The following GTF2A1 variants were observed in gnomAD, a reference collection of about 807,000 sequenced individuals.
GTF2A1 encodes transcription initiation factor IIA subunit 1.
In GTF2A1, 12 loss-of-function variants were observed where a neutral mutation model predicts 54.1. The observed-to-expected ratio is 0.22, with a 90% CI of 0.14 to 0.36. GTF2A1 has a LOEUF of 0.36. Among genes scored for constraint, GTF2A1 ranks in the 10% least tolerant of loss-of-function variants. The probability of loss-of-function intolerance (pLI) is 1.00; values close to 1 mark genes in which losing one functional copy is unlikely to be tolerated. For missense variants in GTF2A1, 335 were observed against 442.2 expected (o/e 0.76, Z 2.17); for synonymous variants, 145 against 152.0 (o/e 0.95, Z 0.34).
rs1420562005 is a variant in GTF2A1, at chr14:81,178,679, T to G, written c.*1544A>C. 1 of 152,190 alleles carries G rather than the reference T, an allele frequency of 6.6e-6. No individual in the cohort carries two copies. The highest frequency in any genetic ancestry group is 2.1e-4 in the South Asian group (1 of 4,834). The allele number at this position is 152,190 out of a possible 1,614,324, so 9.4% of individuals were successfully genotyped here. A position where few individuals can be genotyped will look rare whatever the true frequency, so the allele number is the denominator to read the frequency against. On this transcript the variant is annotated 3_prime_UTR_variant, in exon 9 of 9. Transcript: ENST00000553612. The stretch of plus-strand genomic sequence containing the variant: ...TATAATAGCTCACAGTTTTCTTCTC[T>G]GTAATGTACTTTAAAAAGTGTTCAT...
At chr14:81,212,510 G>C (rs956219428) in intron 2 of GTF2A1, among the ~76,000 whole-genome samples, 1 of 152,052 alleles carries the variant, frequency 6.6e-6, no homozygotes. Context: ...CTCCCTTTCT[G>C]CTTACCTCAT....
chr14:81,196,604 A>G (rs1052901080), intron 5 of GTF2A1, among the ~76,000 whole-genome samples: 1 of 152,212 alleles, frequency 6.6e-6, no homozygotes, highest in Non-Finnish European at 1.5e-5. Context: ...TCATTTTTAA[A>G]GCTTTAAAGG....
intron 2 of GTF2A1, among the ~76,000 whole-genome samples, chr14:81,207,246 G>A (rs567669186): frequency 1.3e-5 from 2 of 152,144 alleles, no homozygotes; most frequent in South Asian, 4.2e-4. Context: ...GTATCTCCCA[G>A]AATTCCCATG....
chr14:81,215,016 G>A (rs1320340615), intron 2 of GTF2A1, among the ~76,000 whole-genome samples: 1 of 152,180 alleles, frequency 6.6e-6, no homozygotes, highest in Non-Finnish European at 1.5e-5. Flanking sequence ...TGCAGAATAT[G>A]AAACCATATA....
chr14:81,183,036 C>T (rs1443014364), intron 8 of GTF2A1, among the ~76,000 whole-genome samples: 1 of 152,206 alleles, frequency 6.6e-6, no homozygotes, highest in East Asian at 1.9e-4. Flanking sequence ...CGACTATCAG[C>T]TTCTAACATA....
At chr14:81,204,843 C>G (rs192305404) in intron 2 of GTF2A1, among the ~76,000 whole-genome samples, 1 of 152,180 alleles carries the variant, frequency 6.6e-6, no homozygotes, top group African/African-American at 2.4e-5. Context: ...ACATGTGCAA[C>G]GATTTCATTC....
chr14:81,190,903 C>T (rs1347630071), intron 7 of GTF2A1, among the ~76,000 whole-genome samples: 2 of 152,104 alleles, frequency 1.3e-5, no homozygotes, highest in Non-Finnish European at 2.9e-5. Context: ...GACATTAGGA[C>T]GGTGGCTGGT....
chr14:81,216,785 A>T (rs1246525864), intron 1 of GTF2A1, among the ~76,000 whole-genome samples: 2 of 152,222 alleles, frequency 1.3e-5, no homozygotes, highest in Non-Finnish European at 2.9e-5. Context: ...TGTAGTCAAA[A>T]TACCTAATGT....
At chr14:81,199,813 C>G (rs1038379589) in intron 4 of GTF2A1, among the ~76,000 whole-genome samples, 2 of 152,198 alleles carry the variant, frequency 1.3e-5, no homozygotes, top group East Asian at 3.9e-4. Context: ...AATTCTCTTC[C>G]ACAACATTTA....
At chr14:81,212,599 T>C (rs1451329496) in intron 2 of GTF2A1, among the ~76,000 whole-genome samples, 1 of 152,214 alleles carries the variant, frequency 6.6e-6, no homozygotes, top group Non-Finnish European at 1.5e-5. Context: ...TACAGCCTTA[T>C]ACAAGCTTTT....
chr14:81,220,680 G>A lies in GTF2A1; in HGVS notation c.-162C>T, dbSNP rs1380969400. ...AATCCTGAAGGAGTAGGGGAGAGCG[G>A]AGAGAGGAGGAGGAGGGGGGCACTC... On this transcript the variant is annotated 5_prime_UTR_variant, in exon 1 of 9. Transcript: ENST00000553612. The A allele has an allele frequency of 2.4e-6, 1 of 413,620 alleles. No homozygotes were observed. The highest frequency in any genetic ancestry group is 4.2e-6 in the Non-Finnish European group (1 of 235,444). 25.6% of individuals were successfully genotyped at this position (413,620 alleles called of 1,614,324 possible).
chr14:81,201,909 C>T (rs985882592), intron 3 of GTF2A1, among the ~76,000 whole-genome samples: 3 of 152,136 alleles, frequency 2.0e-5, no homozygotes, highest in Admixed American at 6.5e-5. Context: ...CCTGTAATTA[C>T]AGCACTTTGG....
At chr14:81,221,123 A>C (rs1433513765), upstream of GTF2A1, 1 of 152,148 alleles carries the variant, frequency 6.6e-6, no homozygotes, top group African/African-American at 2.4e-5. Context: ...GAGCCCGGGG[A>C]GTGAAGTAGT....
At chr14:81,209,611 A>T (rs1221647444) in intron 2 of GTF2A1, among the ~76,000 whole-genome samples, 1 of 152,166 alleles carries the variant, frequency 6.6e-6, no homozygotes, top group African/African-American at 2.4e-5. Flanking sequence ...TAATCCTCAC[A>T]CTAAAGACCA....
At position 81,176,477 on chromosome 14, in the gene GTF2A1, T is replaced by G. The variant is rs1892531710; in HGVS notation, c.*3746A>C. 6.6e-6 allele frequency: 1 copy of G among 152,142 alleles called. No homozygotes were observed. The highest frequency in any genetic ancestry group is 1.5e-5 in the Non-Finnish European group (1 of 67,986). The allele number at this position is 152,142 out of a possible 1,614,324, so 9.4% of individuals were successfully genotyped here. On this transcript the variant is annotated 3_prime_UTR_variant, in exon 9 of 9. Transcript: ENST00000553612. ...CTTGACTGAAAGAGTAGTTACTAAC[T>G]CAATGTGTAGTAACTTCCCTTAAAA...
At chr14:81,220,131 G>C (rs914921951) in intron 1 of GTF2A1, among the ~76,000 whole-genome samples, 2 of 151,418 alleles carry the variant, frequency 1.3e-5, no homozygotes, top group Non-Finnish European at 3.0e-5. Context: ...GCGCGGACGG[G>C]CCCCTCGGGG....
intron 7 of GTF2A1, 61 bp downstream of exon 7, chr14:81,192,458 G>A: frequency 8.0e-7 from 1 of 1,242,542 alleles, no homozygotes; most frequent in East Asian, 2.3e-5. Context: ...TATCAGTGTT[G>A]TACCAACTAA....
chr14:81,209,288 G>A (rs978130067), intron 2 of GTF2A1, among the ~76,000 whole-genome samples: 3 of 152,046 alleles, frequency 2.0e-5, no homozygotes, highest in African/African-American at 4.8e-5. Context: ...AGGGGTTTCC[G>A]CTTTTGCTTC....
chr14:81,194,319 A>C (rs1037374532), intron 6 of GTF2A1, among the ~76,000 whole-genome samples: 1 of 152,184 alleles, frequency 6.6e-6, no homozygotes. Flanking sequence ...ACATGGAAAA[A>C]TTGTCTTCTG....
Sources: allele counts gnomAD v4.1 joint callset (sites outside exome capture counted in the v4.1 genomes callset), GRCh38; gene constraint gnomAD v4.1.1; transcripts MANE v1.5; gene names NCBI Gene and HGNC (gene_info 2026-07-23, HGNC 2026-07-21).